The following VAV2 variants were observed in gnomAD, a reference collection of about 807,000 sequenced individuals.
VAV2 encodes vav guanine nucleotide exchange factor 2.
In VAV2, 67 loss-of-function variants were observed where a neutral mutation model predicts 132.5. That is an observed-to-expected ratio of 0.51 (90% CI 0.42 to 0.62). The LOEUF is 0.62. VAV2 is among the 20% of genes least tolerant of loss of function. VAV2 has a pLI of 0.00. For synonymous variants in VAV2, 492 were observed against 443.5 expected (o/e 1.11, Z -1.37); for missense variants, 938 against 1,153.6 (o/e 0.81, Z 2.71).
At position 133,912,866 on chromosome 9, in the gene VAV2, A is replaced by G. The variant is rs1197006192; in HGVS notation, c.321+26237T>C. On this transcript the variant is annotated intron_variant, in intron 2 of 29. Coordinates refer to ENST00000371850, the MANE Select transcript of VAV2 (RefSeq NM_001134398.2). The surrounding 1 kb of genome is among the most constrained non-coding windows in gnomAD (Gnocchi z 4.3). Reference sequence around the variant, plus strand: ...GAGCCAGTGACCACTCGTCCCAAACATAGCTTCTATTCATCAGAATCAGGG... The same window carrying G: ...GAGCCAGTGACCACTCGTCCCAAACGTAGCTTCTATTCATCAGAATCAGGG... Among the ~76,000 whole-genome samples, 4 of 152,158 alleles carry G rather than the reference A, an allele frequency of 2.6e-5. No individual in the cohort carries two copies. The highest frequency in any genetic ancestry group is 5.9e-5 in the Non-Finnish European group (4 of 68,026).
chr9:133,807,415 T>C, intron 7 of VAV2, 89 bp from the exon 8 acceptor site: 1 of 1,371,502 alleles, frequency 7.3e-7, no homozygotes, highest in East Asian at 2.5e-5. Context: ...CCAGGGCAGC[T>C]CCGAGGCAGG....
chr9:133,768,660 C>T lies in VAV2; in HGVS notation c.2435-64G>A. The T allele has an allele frequency of 5.8e-6, 9 of 1,562,172 alleles. No homozygotes were observed. Among genetic ancestry groups the T allele is most frequent in the Non-Finnish European group, 7.8e-6 (9 of 1,155,836 alleles). ...GGAGCCCAACCAGTGATCCAGGAGG[C>T]CCTTGGGCCAAGCTGGGTCTCTCCC... On this transcript the variant is annotated intron_variant, in intron 28 of 29. Coordinates refer to ENST00000371850, the MANE Select transcript of VAV2 (RefSeq NM_001134398.2). This position sits in a 1 kb window ranked among gnomAD's most constrained non-coding sequence, Gnocchi z 5.3.
At chr9:133,853,152 C>T (rs1837252411) in intron 3 of VAV2, among the ~76,000 whole-genome samples, 1 of 152,230 alleles carries the variant, frequency 6.6e-6, no homozygotes, top group Non-Finnish European at 1.5e-5. Context: ...AAGCCTTCTC[C>T]GTGGGGCCAG....
Position 133,788,552 on chromosome 9 carries a change from C to T in VAV2, c.1275-66G>A. On this transcript the variant is annotated intron_variant, in intron 14 of 29. Transcript: ENST00000371850. This position sits in a 1 kb window ranked among gnomAD's most constrained non-coding sequence, Gnocchi z 5.3. The stretch of plus-strand genomic sequence containing the variant: ...TGTGTGCTCTGCTCCGAGGAGGCGG[C>T]AGGAGCTGAGCCTGAGGCTCTGGCA... The T allele has an allele frequency of 1.3e-6, 2 of 1,565,696 alleles. No individual in the cohort carries two copies. Among genetic ancestry groups the T allele is most frequent in the Non-Finnish European group, 1.7e-6 (2 of 1,146,148 alleles).
chr9:133,963,401 C>T (rs553353686), intron 1 of VAV2, among the ~76,000 whole-genome samples: 13 of 152,250 alleles, frequency 8.5e-5, no homozygotes, highest in African/African-American at 2.9e-4. Context: ...TGGGCAGAGA[C>T]GGTGCAGCCT....
chr9:133,938,364 C>T (rs1841002443), intron 2 of VAV2, among the ~76,000 whole-genome samples: 1 of 152,156 alleles, frequency 6.6e-6, no homozygotes, highest in South Asian at 2.1e-4. Flanking sequence ...AAAGAGTAAC[C>T]GTGGAGCTGC....
rs1427217518 is a variant in VAV2, at chr9:133,857,464, G to C, written c.380+3910C>G. Among the ~76,000 whole-genome samples the C allele has an allele frequency of 6.6e-6, 1 of 152,210 alleles. No individual in the cohort carries two copies. The highest frequency in any genetic ancestry group is 6.5e-5 in the Admixed American group (1 of 15,282). ...TGCAAAGTGCAAGGGTTGTGAAAAT[G>C]ATTTTTTGAAGGAGCACGTTGGGCT... On this transcript the variant is annotated intron_variant, in intron 3 of 29. Coordinates refer to ENST00000371850, the MANE Select transcript of VAV2 (RefSeq NM_001134398.2). This position sits in a 1 kb window ranked among gnomAD's most constrained non-coding sequence, Gnocchi z 4.0.
At chr9:133,770,061 T>C (rs1833564440) in intron 27 of VAV2, among the ~76,000 whole-genome samples, 1 of 152,144 alleles carries the variant, frequency 6.6e-6, no homozygotes, top group Non-Finnish European at 1.5e-5. Context: ...GGCCTGCCCT[T>C]TTCTCTCCCA....
rs1219196749 is a variant in VAV2 at position 133,826,006 on chromosome 9, ATACAT to A, written c.449+8261_449+8265del. 6.6e-6 allele frequency among the ~76,000 whole-genome samples: 1 copy of A among 152,216 alleles called. No individual in the cohort carries two copies. The highest frequency in any genetic ancestry group is 2.4e-5 in the African/African-American group (1 of 41,458). On this transcript the variant is annotated intron_variant, in intron 4 of 29. Coordinates refer to ENST00000371850, the MANE Select transcript of VAV2 (RefSeq NM_001134398.2). The surrounding 1 kb of genome is among the most constrained non-coding windows in gnomAD (Gnocchi z 4.2). ...AAAGCATGCAGCTCTACATTCGCGGATACATTACATTCCCTGCCGTGTCACGATCA... is the reference window on the plus strand; with the variant it reads ...AAAGCATGCAGCTCTACATTCGCGGATACATTCCCTGCCGTGTCACGATCA...
chr9:133,776,452 G>A (rs1833814924), intron 23 of VAV2, among the ~76,000 whole-genome samples: 1 of 152,184 alleles, frequency 6.6e-6, no homozygotes, highest in Non-Finnish European at 1.5e-5. Flanking sequence ...GGGTCTGGTG[G>A]TGGCCACACT....
chr9:133,854,360 C>G, intron 3 of VAV2, among the ~76,000 whole-genome samples: 1 of 152,258 alleles, frequency 6.6e-6, no homozygotes, highest in South Asian at 2.1e-4. Flanking sequence ...CACCCATACA[C>G]ACGCACCATC....
In VAV2 at chr9:133,912,348, G is replaced by A. The variant is rs12349072; in HGVS notation, c.321+26755C>T. Among the ~76,000 whole-genome samples, 4,888 of 152,254 alleles carry A rather than the reference G, an allele frequency of 0.032. 133 individuals are homozygous for A. The highest frequency in any genetic ancestry group is 0.07 in the African/African-American group (2,894 of 41,518). On this transcript the variant is annotated intron_variant, in intron 2 of 29. Transcript: ENST00000371850. The surrounding 1 kb of genome is among the most constrained non-coding windows in gnomAD (Gnocchi z 4.3). ...GGAACATGAGACCCGGGCTGAACAC[G>A]AGGCTATGTCCGTCCAAATCCCCAC... is the stretch of plus-strand genomic sequence containing the variant.
At chr9:133,985,226 TTGTGTGTGTGTGTGTG>T (rs59748267) in intron 1 of VAV2, among the ~76,000 whole-genome samples, 274 of 137,244 alleles carry the variant, frequency 2.0e-3, no homozygotes, top group Non-Finnish European at 2.3e-3. Flanking sequence ...TCTTGCCTTA[TTGTGTGTGTGTGTGTG>T]TGTGTGTGTG....
At chr9:133,822,813 G>GC (rs1349200720) in intron 4 of VAV2, among the ~76,000 whole-genome samples, 2 of 143,402 alleles carry the variant, frequency 1.4e-5, no homozygotes, top group Non-Finnish European at 3.0e-5. Flanking sequence ...AAAAAGAACA[G>GC]CCCCTGGGCC....
intron 1 of VAV2, among the ~76,000 whole-genome samples, chr9:133,945,981 A>C (rs954664400): frequency 6.6e-6 from 1 of 152,152 alleles, no homozygotes; most frequent in South Asian, 2.1e-4. Flanking sequence ...TCTGACTCCC[A>C]CGATGCTGGG....
At chr9:133,869,853 C>G (rs73662316) in intron 2 of VAV2, among the ~76,000 whole-genome samples, 1 of 152,200 alleles carries the variant, frequency 6.6e-6, no homozygotes, top group Non-Finnish European at 1.5e-5. Context: ...CGCAGCCCAA[C>G]GGAGCCAAAT....
Position 133,834,681 on chromosome 9 carries a change from C to T in VAV2, c.381-341G>A, listed in dbSNP as rs1413715065. On this transcript the variant is annotated intron_variant, in intron 3 of 29. Coordinates refer to ENST00000371850, the MANE Select transcript of VAV2 (RefSeq NM_001134398.2). This position sits in a 1 kb window ranked among gnomAD's most constrained non-coding sequence, Gnocchi z 5.9. ...GCGACCTGCCTTCCCCTTTACCCACCCTCCCACTTCCAGGGGGTTCACAGT... is the reference window on the plus strand; with the variant it reads ...GCGACCTGCCTTCCCCTTTACCCACTCTCCCACTTCCAGGGGGTTCACAGT... Among the ~76,000 whole-genome samples the T allele has an allele frequency of 6.6e-6, 1 of 152,240 alleles. No homozygotes were observed. Among genetic ancestry groups the T allele is most frequent in the African/African-American group, 2.4e-5 (1 of 41,472 alleles).
rs1017791640 is a variant in VAV2, at chr9:133,919,011, G to A, written c.321+20092C>T. 6.6e-6 allele frequency among the ~76,000 whole-genome samples: 1 copy of A among 152,108 alleles called. No homozygotes were observed. ...GCTGGTCTCGAACTCCTGACCTTGT[G>A]ATCCTCCCACCTCGGCCTCCCAAAG... is the stretch of plus-strand genomic sequence containing the variant. On this transcript the variant is annotated intron_variant, in intron 2 of 29. Coordinates refer to ENST00000371850, the MANE Select transcript of VAV2 (RefSeq NM_001134398.2). This position sits in a 1 kb window ranked among gnomAD's most constrained non-coding sequence, Gnocchi z 5.8.
intron 2 of VAV2, among the ~76,000 whole-genome samples, chr9:133,921,659 C>A (rs1242411821): frequency 6.6e-6 from 1 of 152,208 alleles, no homozygotes; most frequent in East Asian, 1.9e-4. Flanking sequence ...TTAATATCCA[C>A]AATATGTAAA....
Sources: gnomAD v4.1 joint callset for allele counts (sites outside exome capture counted in the v4.1 genomes callset) on GRCh38, gnomAD v4.1.1 for gene constraint, Gnocchi (gnomAD v3.1) non-coding constraint, MANE v1.5 for transcripts, NCBI Gene and HGNC (gene_info 2026-07-23, HGNC 2026-07-21) for gene names.